Variants in UCK2 observed in about 807,000 individuals in gnomAD.
UCK2 encodes uridine-cytidine kinase 2.
In UCK2, 6 loss-of-function variants were observed where a neutral mutation model predicts 30.8. The ratio of observed to expected loss-of-function variants is 0.19; its 90% CI spans 0.11 to 0.38. The LOEUF (loss-of-function observed/expected upper bound fraction) is 0.38. Ranked by LOEUF, UCK2 falls within the 10% of genes least tolerant of loss-of-function variation. The pLI, the probability that UCK2 is intolerant of heterozygous loss-of-function variation, is 1.00. For synonymous variants in UCK2, 125 were observed against 133.6 expected (o/e 0.94, Z 0.45); for missense variants, 210 against 339.8 (o/e 0.62, Z 3.00).
rs1647746215 is a variant in UCK2 at position 165,908,403 on chromosome 1, A to G, written c.*580A>G. On this transcript the variant is annotated 3_prime_UTR_variant, in exon 7 of 7. Transcript: ENST00000367879. Reference sequence around the variant, plus strand: ...TGGAGCTTAGTGATATGTCAATGAGAGATACTCTTGTCTTTTTTTTTTTTC... The same window carrying G: ...TGGAGCTTAGTGATATGTCAATGAGGGATACTCTTGTCTTTTTTTTTTTTC... The G allele has an allele frequency of 6.7e-6, 1 of 148,742 alleles. No individual in the cohort carries two copies. Among genetic ancestry groups the G allele is most frequent in the South Asian group, 2.1e-4 (1 of 4,702 alleles). The allele number at this position is 148,742 out of a possible 1,614,324, so 9.2% of individuals were successfully genotyped here.
intron 1 of UCK2, among the ~76,000 whole-genome samples, chr1:165,864,619 A>T (rs899394171): frequency 6.6e-6 from 1 of 152,234 alleles, no homozygotes; most frequent in African/African-American, 2.4e-5. Context: ...GAACTTACAT[A>T]TATAAGTAAG....
In UCK2 at chr1:165,910,977, G is replaced by T. The variant is rs1647840520; in HGVS notation, c.*3154G>T. 1 of 152,482 alleles carries T rather than the reference G, an allele frequency of 6.6e-6. No individual in the cohort carries two copies. Among genetic ancestry groups the T allele is most frequent in the African/African-American group, 2.4e-5 (1 of 41,464 alleles). The allele number at this position is 152,482 out of a possible 1,614,324, so 9.4% of individuals were successfully genotyped here. On this transcript the variant is annotated 3_prime_UTR_variant, in exon 7 of 7. Coordinates refer to ENST00000367879, the MANE Select transcript of UCK2 (RefSeq NM_012474.5). ...CAGTCGGGCAGCAGGAGGGCCGGAA[G>T]CCTGGTTGGTTTGTATATGACCTCT...
intron 3 of UCK2, chr1:165,895,597 C>T (rs1655877497): frequency 2.0e-6 from 2 of 985,498 alleles, no homozygotes; most frequent in East Asian, 2.3e-4. Context: ...TAGAGCCAGA[C>T]CAGACAGACG....
At chr1:165,872,970 A>T (rs556387400) in intron 1 of UCK2, among the ~76,000 whole-genome samples, 1 of 152,336 alleles carries the variant, frequency 6.6e-6, no homozygotes, top group African/African-American at 2.4e-5. Context: ...ATTTTGCATC[A>T]CGTTGGAGAT....
At chr1:165,857,727 A>G (rs1557837458) in intron 1 of UCK2, among the ~76,000 whole-genome samples, 3 of 152,230 alleles carry the variant, frequency 2.0e-5, no homozygotes. Context: ...GAAGCGAAGC[A>G]TTTGAATGAT....
intron 1 of UCK2, among the ~76,000 whole-genome samples, chr1:165,840,091 G>A (rs1429204081): frequency 6.6e-6 from 1 of 152,122 alleles, no homozygotes; most frequent in African/African-American, 2.4e-5. Flanking sequence ...GCTACTTGTT[G>A]TATTTTTAGT....
chr1:165,893,890 CT>C (rs1655828387), intron 3 of UCK2, among the ~76,000 whole-genome samples: 1 of 152,158 alleles, frequency 6.6e-6, no homozygotes, highest in African/African-American at 2.4e-5. Context: ...ACCACTTTTC[CT>C]TTTTAGTATT....
intron 1 of UCK2, among the ~76,000 whole-genome samples, chr1:165,830,471 C>T (rs1007667604): frequency 1.3e-5 from 2 of 151,808 alleles, no homozygotes; most frequent in Non-Finnish European, 2.9e-5. Flanking sequence ...ACTACAGGTG[C>T]CCGCCACCAC....
At position 165,856,420 on chromosome 1, in the gene UCK2, T is replaced by G. The variant is rs572482498; in HGVS notation, c.99+28488T>G. Among the ~76,000 whole-genome samples, 88 of 150,854 alleles carry G rather than the reference T, an allele frequency of 5.8e-4. 2 individuals are homozygous for G. In the East Asian group the frequency reaches 0.012, roughly 21 times the overall value. On this transcript the variant is annotated intron_variant, in intron 1 of 6. Transcript: ENST00000367879. ...GGTATTAGGTGATTTTTTTTTTTTT[T>G]GTCATTAAAATTTCCTCCCCCCACC...
chr1:165,878,329 T>C (rs7547020), intron 1 of UCK2, among the ~76,000 whole-genome samples: 29,461 of 139,682 alleles, frequency 0.21, 3,228 homozygotes, highest in South Asian at 0.44. Context: ...GCTCATTTCT[T>C]TCTTTCTTTT....
Position 165,896,231 on chromosome 1 carries a change from T to C in UCK2, c.398T>C (p.Leu133Pro). The change falls in exon 4 of 7, where the codon CTC becomes CCC. Residue 133 changes from leucine (L) to proline (P), a missense_variant. Around this residue, in one of 4 missense-constraint regions of UCK2, gnomAD observed 47 missense variants for 128.7 expected, o/e 0.37. Coordinates refer to ENST00000367879, the MANE Select transcript of UCK2 (RefSeq NM_012474.5). ...ACTGTCTATCCCGCAGACGTGGTGC[T>C]CTTTGAAGGGATCCTGGCCTTCTAC... ...TVTVYPADVV[L>P]FEGILAFYSQ... The C allele has an allele frequency of 1.2e-6, 2 of 1,614,198 alleles. No individual in the cohort carries two copies. The highest frequency in any genetic ancestry group is 8.5e-7 in the Non-Finnish European group (1 of 1,180,038).
Position 165,896,209 on chromosome 1 carries a change from G to T in UCK2, c.376G>T (p.Val126Phe). 6.2e-7 allele frequency: 1 copy of T among 1,614,182 alleles called. No homozygotes were observed. Among genetic ancestry groups the T allele is most frequent in the Non-Finnish European group, 8.5e-7 (1 of 1,180,028 alleles). Residue 126 changes from valine to phenylalanine, a missense_variant, in exon 4 of 7, where the codon GTC becomes TTC. Val to Phe is a conservative substitution (Grantham distance 50). Transcript: ENST00000367879. ...TTGCAGGAAGGAGGAGACAGTTACT[G>T]TCTATCCCGCAGACGTGGTGCTCTT... ...SHSRKEETVT[V>F]YPADVVLFEG...
rs559391977 is a variant in UCK2, at chr1:165,875,602, T to G, written c.100-14602T>G. On this transcript the variant is annotated intron_variant, in intron 1 of 6. Coordinates refer to ENST00000367879, the MANE Select transcript of UCK2 (RefSeq NM_012474.5). ...TGCAAACCTGAGCCTCTGGAACTTC[T>G]GATTGATTGACTTCAAGTCGAGGTT... Among the ~76,000 whole-genome samples, 5 of 152,326 alleles carry G rather than the reference T, an allele frequency of 3.3e-5. No individual in the cohort carries two copies. In the South Asian group the frequency reaches 8.3e-4, roughly 25 times the overall value.
intron 1 of UCK2, among the ~76,000 whole-genome samples, chr1:165,865,443 G>T (rs1486265198): frequency 6.6e-6 from 1 of 152,154 alleles, no homozygotes; most frequent in Non-Finnish European, 1.5e-5. Flanking sequence ...AAGATCTGCG[G>T]TGGCAAAAAC....
At chr1:165,878,445 C>T (rs1224231025) in intron 1 of UCK2, among the ~76,000 whole-genome samples, 1 of 152,026 alleles carries the variant, frequency 6.6e-6, no homozygotes, top group African/African-American at 2.4e-5. Flanking sequence ...ATTCTCCTGC[C>T]TTAGCCTCCT....
intron 1 of UCK2, among the ~76,000 whole-genome samples, chr1:165,854,162 C>T (rs1654667305): frequency 6.6e-6 from 1 of 152,164 alleles, no homozygotes; most frequent in Admixed American, 6.5e-5. Flanking sequence ...AGCATTGGAG[C>T]AGTGGGATCT....
rs1653916979 is a variant in UCK2 at position 165,827,637 on chromosome 1, G to T, written c.-197G>T. ...ATGTAAACCGGACCAGCCGCTGCGG[G>T]CAAAGGAAGGCTCTTGGCTCCTTCG... On this transcript the variant is annotated 5_prime_UTR_variant, in exon 1 of 7. Transcript: ENST00000367879. 2 of 397,874 alleles carry T rather than the reference G, an allele frequency of 5.0e-6. No homozygotes were observed. Among genetic ancestry groups the T allele is most frequent in the East Asian group, 7.5e-5 (2 of 26,758 alleles). 24.6% of individuals were successfully genotyped at this position (397,874 alleles called of 1,614,324 possible).
intron 1 of UCK2, among the ~76,000 whole-genome samples, chr1:165,867,532 A>G (rs1655076280): frequency 6.6e-6 from 1 of 152,252 alleles, no homozygotes; most frequent in Non-Finnish European, 1.5e-5. Context: ...CTTATGGAAT[A>G]TTCTAAATCC....
intron 1 of UCK2, among the ~76,000 whole-genome samples, chr1:165,869,025 C>G (rs550473423): frequency 1.3e-5 from 2 of 152,016 alleles, no homozygotes; most frequent in Admixed American, 6.6e-5. Context: ...ATTGTTCTGT[C>G]GCAGGAAATC....
Sources: allele counts gnomAD v4.1 joint callset (sites outside exome capture counted in the v4.1 genomes callset), GRCh38; gene constraint gnomAD v4.1.1; regional missense constraint gnomAD v4.1.1; transcripts MANE v1.5; gene names NCBI Gene and HGNC (gene_info 2026-07-23, HGNC 2026-07-21).